The following NEBL variants were observed in gnomAD, a reference collection of about 807,000 sequenced individuals.
The protein encoded by NEBL is LIM and SH3 protein 2.
Under a neutral mutation model 140.2 loss-of-function variants are expected in NEBL, and 122 were observed. That is an observed-to-expected ratio of 0.87 (90% CI 0.75 to 1.01). NEBL has a LOEUF of 1.01. Among genes scored for constraint, NEBL ranks in the 50% least tolerant of loss-of-function variants. The pLI, the probability that NEBL is intolerant of heterozygous loss-of-function variation, is 0.00. For missense variants in NEBL, 1,365 were observed against 1,231.3 expected (o/e 1.11, Z -1.62); for synonymous variants, 436 against 398.9 (o/e 1.09, Z -1.11).
chr10:21,106,594 T>C (rs748525021), intron 2 of NEBL, among the ~76,000 whole-genome samples: 1 of 152,320 alleles, frequency 6.6e-6, no homozygotes, highest in East Asian at 1.9e-4. Flanking sequence ...TATAGCCTTG[T>C]AGTATAGTTT....
chr10:20,846,064 G>A (rs1426673912), intron 11 of NEBL, among the ~76,000 whole-genome samples: 1 of 152,068 alleles, frequency 6.6e-6, no homozygotes, highest in Non-Finnish European at 1.5e-5. Flanking sequence ...CTTAGATTCA[G>A]ACCACCATTA....
intron 1 of NEBL, among the ~76,000 whole-genome samples, chr10:21,262,890 G>A (rs1842757182): frequency 6.6e-6 from 1 of 152,134 alleles, no homozygotes; most frequent in African/African-American, 2.4e-5. Flanking sequence ...GTTTGTAGAC[G>A]ATTACCCAGT....
chr10:20,946,076 C>A (rs895862630), intron 4 of NEBL, among the ~76,000 whole-genome samples: 2 of 152,106 alleles, frequency 1.3e-5, no homozygotes, highest in Non-Finnish European at 2.9e-5. Flanking sequence ...TCCCTCTATT[C>A]GGGTATGTGG....
intron 3 of NEBL, among the ~76,000 whole-genome samples, chr10:21,228,245 C>T (rs1385997520): frequency 2.0e-5 from 3 of 152,106 alleles, no homozygotes; most frequent in African/African-American, 7.2e-5. Context: ...CCTCAAACTC[C>T]TGAAGTCACG....
intron 2 of NEBL, among the ~76,000 whole-genome samples, chr10:21,148,128 A>G (rs532644108): frequency 1.3e-5 from 2 of 152,372 alleles, no homozygotes; most frequent in East Asian, 3.9e-4. Flanking sequence ...TGAGGCCTAA[A>G]GGACAAAAAG....
At chr10:20,874,300 C>T (rs1255177519) in intron 5 of NEBL, among the ~76,000 whole-genome samples, 1 of 152,220 alleles carries the variant, frequency 6.6e-6, no homozygotes, top group Non-Finnish European at 1.5e-5. Context: ...GAAGTTCAGC[C>T]TGCCTTCATG....
At chr10:20,904,502 A>C (rs563981955) in intron 4 of NEBL, among the ~76,000 whole-genome samples, 1 of 152,358 alleles carries the variant, frequency 6.6e-6, no homozygotes, top group African/African-American at 2.4e-5. Context: ...AATAGAAAGA[A>C]AAAAGGCATT....
At chr10:21,204,519 G>A (rs1300798602) in intron 3 of NEBL, among the ~76,000 whole-genome samples, 5 of 152,070 alleles carry the variant, frequency 3.3e-5, no homozygotes, top group South Asian at 2.1e-4. Context: ...CTGTCTGCAA[G>A]CCAGGAAAAG....
At chr10:20,933,665 C>T (rs1431220084) in intron 4 of NEBL, among the ~76,000 whole-genome samples, 2 of 152,140 alleles carry the variant, frequency 1.3e-5, no homozygotes, top group African/African-American at 2.4e-5. Flanking sequence ...ACCTGGGAGG[C>T]AGAGGTTGCA....
chr10:20,986,385 T>C (rs544687668), intron 3 of NEBL, among the ~76,000 whole-genome samples: 8 of 152,288 alleles, frequency 5.3e-5, no homozygotes, highest in Non-Finnish European at 1.2e-4. Context: ...CAAAAATAAT[T>C]CAGCAACTCT....
At chr10:21,292,664 TA>T (rs1843161134) in intron 1 of NEBL, among the ~76,000 whole-genome samples, 1 of 152,206 alleles carries the variant, frequency 6.6e-6, no homozygotes, top group African/African-American at 2.4e-5. Flanking sequence ...CTATTTCACT[TA>T]AAAGGAAATC....
chr10:21,082,897 G>A (rs534899742), intron 2 of NEBL, among the ~76,000 whole-genome samples: 1 of 151,374 alleles, frequency 6.6e-6, no homozygotes, highest in African/African-American at 2.4e-5. Flanking sequence ...CAAATAGCTG[G>A]GATTACAGGC....
chr10:21,265,084 G>A (rs182215837), intron 1 of NEBL, among the ~76,000 whole-genome samples: 118 of 151,898 alleles, frequency 7.8e-4, no homozygotes, highest in Middle Eastern at 3.4e-3. Flanking sequence ...CACCGTGCCC[G>A]ACTAATTTTT....
intron 3 of NEBL, among the ~76,000 whole-genome samples, chr10:21,246,734 T>C (rs1308351758): frequency 6.6e-6 from 1 of 152,066 alleles, no homozygotes; most frequent in African/African-American, 2.4e-5. Context: ...CTCTGGAGGC[T>C]GAGCAGGAGG....
At chr10:20,951,102 T>A (rs887696789) in intron 4 of NEBL, among the ~76,000 whole-genome samples, 11 of 152,106 alleles carry the variant, frequency 7.2e-5, no homozygotes, top group Non-Finnish European at 1.3e-4. Flanking sequence ...AAACCTTATC[T>A]CTATTCGAAA....
At chr10:21,257,430 C>A (rs1588570289) in intron 1 of NEBL, among the ~76,000 whole-genome samples, 1 of 152,200 alleles carries the variant, frequency 6.6e-6, no homozygotes, top group Non-Finnish European at 1.5e-5. Flanking sequence ...AATCTTACAG[C>A]GTTCTCCTGA....
At chr10:21,000,400 C>T (rs963729528) in intron 3 of NEBL, among the ~76,000 whole-genome samples, 1 of 151,852 alleles carries the variant, frequency 6.6e-6, no homozygotes, top group Non-Finnish European at 1.5e-5. Flanking sequence ...GGATTCTGGT[C>T]CCCCCATTAG....
In NEBL at chr10:21,153,448, G is replaced by GCCTCCTCAA. The variant is rs1479655262; in HGVS notation, c.164+18934_164+18935insTTGAGGAGG. On this transcript the variant is annotated intron_variant, in intron 2 of 6. Coordinates refer to the NEBL transcript ENST00000417816. Reference sequence around the variant, plus strand: ...TGATTCTCCAGCCTCAGCCTCCTCAGCCTCCTGAATAGCTGGGATTACAGG... The same window carrying GCCTCCTCAA: ...TGATTCTCCAGCCTCAGCCTCCTCAGCCTCCTCAACCTCCTGAATAGCTGGGATTACAGG... Among the ~76,000 whole-genome samples the GCCTCCTCAA allele has an allele frequency of 2.0e-5, 3 of 151,456 alleles. No individual in the cohort carries two copies. In the South Asian group the frequency reaches 6.2e-4, roughly 31 times the overall value.
chr10:20,844,103 G>A (rs1265226068), intron 12 of NEBL, among the ~76,000 whole-genome samples: 1 of 152,080 alleles, frequency 6.6e-6, no homozygotes, highest in Admixed American at 6.6e-5. Flanking sequence ...AACTCTTATA[G>A]AAATTACATG....
Sources: gnomAD v4.1 joint callset for allele counts (sites outside exome capture counted in the v4.1 genomes callset) on GRCh38, gnomAD v4.1.1 for gene constraint, MANE v1.5 for transcripts, NCBI Gene and HGNC (gene_info 2026-07-23, HGNC 2026-07-21) for gene names.